ESRRB: variants seen among roughly 807,000 people sequenced by gnomAD.
The protein encoded by ESRRB is estrogen related receptor beta.
ESRRB carries 16 observed loss-of-function variants against 46.0 expected under a neutral mutation model. The observed-to-expected ratio is 0.35, with a 90% CI of 0.24 to 0.53. The LOEUF (loss-of-function observed/expected upper bound fraction) is 0.53, where lower values mean the gene tolerates loss of function less well. ESRRB is among the 20% of genes least tolerant of loss of function. ESRRB has a pLI of 0.93. For synonymous variants in ESRRB, 246 were observed against 259.6 expected, an observed-to-expected ratio of 0.95 and a Z score of 0.50; for missense variants, 488 against 607.4, an observed-to-expected ratio of 0.80 and a Z score of 2.07.
intron 1 of ESRRB, among the ~76,000 whole-genome samples, chr14:76,333,043 T>TTA (rs1237859704): frequency 0.081 from 467 of 5,770 alleles, 146 homozygotes; most frequent in Middle Eastern, 0.33. Flanking sequence ...ATATTATATA[T>TTA]TATATATTAT....
intron 1 of ESRRB, among the ~76,000 whole-genome samples, chr14:76,346,015 CTGTCCA>C (rs1442232394): frequency 6.6e-6 from 1 of 152,120 alleles, no homozygotes; most frequent in Admixed American, 6.5e-5. Context: ...GAGGAAGGAT[CTGTCCA>C]TGCCTCTCTC....
chr14:76,406,527 C>A (rs990576518), intron 1 of ESRRB, among the ~76,000 whole-genome samples: 2 of 152,076 alleles, frequency 1.3e-5, no homozygotes, highest in Non-Finnish European at 2.9e-5. Flanking sequence ...AGGTGGATCA[C>A]GAGGTCAGGA....
intron 1 of ESRRB, among the ~76,000 whole-genome samples, chr14:76,335,751 A>G (rs894526175): frequency 6.6e-6 from 1 of 152,054 alleles, no homozygotes; most frequent in Admixed American, 6.5e-5. Context: ...TTGATTCCTA[A>G]GTTGGACTTT....
upstream of ESRRB, among the ~76,000 whole-genome samples, chr14:76,372,822 A>G (rs972066924): frequency 6.6e-6 from 1 of 152,178 alleles, no homozygotes; most frequent in African/African-American, 2.4e-5. Context: ...ACAGAGCTGG[A>G]CCCTGTCTCA....
At chr14:76,464,040 T>G (rs1422260070) in intron 3 of ESRRB, among the ~76,000 whole-genome samples, 2 of 152,070 alleles carry the variant, frequency 1.3e-5, no homozygotes, top group Non-Finnish European at 2.9e-5. Flanking sequence ...CAGTACCATT[T>G]TGGGGATGGG....
chr14:76,488,327 G>A (rs1188557734), intron 5 of ESRRB, among the ~76,000 whole-genome samples: 1 of 152,102 alleles, frequency 6.6e-6, no homozygotes, highest in Non-Finnish European at 1.5e-5. Context: ...GAGTGATCAG[G>A]GGCTGAGTCC....
chr14:76,382,244 GC>G (rs1377538528), intron 1 of ESRRB, among the ~76,000 whole-genome samples: 1 of 152,220 alleles, frequency 6.6e-6, no homozygotes, highest in African/African-American at 2.4e-5. Flanking sequence ...ACATGTTCCT[GC>G]TGACTGCTAT....
intron 3 of ESRRB, among the ~76,000 whole-genome samples, chr14:76,466,324 T>C (rs1463456600): frequency 6.6e-6 from 1 of 152,098 alleles, no homozygotes; most frequent in East Asian, 1.9e-4. Context: ...TTATGATTTT[T>C]CCTTTCTTAG....
chr14:76,316,479 G>GTCT (rs199655269), intron 1 of ESRRB, among the ~76,000 whole-genome samples: 1 of 76,772 alleles, frequency 1.3e-5, no homozygotes, highest in African/African-American at 3.6e-5. Context: ...CTCCCTTTTT[G>GTCT]CCTCATTATT....
Position 76,499,945 on chromosome 14 carries a change from C to T in ESRRB, c.*1487C>T, listed in dbSNP as rs1595180298. 13 of 1,613,084 alleles carry T rather than the reference C, an allele frequency of 8.1e-6. No homozygotes were observed. In the East Asian group the frequency reaches 2.9e-4, roughly 36 times the overall value. ...GGAAAATGCCCCTTCCAATCAGCTGCCTTCACAAGCAGGGATCAGAGCAAC... is the reference window on the plus strand; with the variant it reads ...GGAAAATGCCCCTTCCAATCAGCTGTCTTCACAAGCAGGGATCAGAGCAAC... On this transcript the variant is annotated 3_prime_UTR_variant, in exon 7 of 7. Transcript: ENST00000644823.
chr14:76,367,479 C>A (rs1391706988), upstream of ESRRB, among the ~76,000 whole-genome samples: 3 of 151,480 alleles, frequency 2.0e-5, no homozygotes, highest in African/African-American at 7.3e-5. Context: ...ATTGTTTGAG[C>A]CTGGGAAGTC....
rs556205183 is a variant in ESRRB, at chr14:76,318,609, C to G, written c.2+7693C>G. On this transcript the variant is annotated intron_variant, in intron 1 of 6. Transcript: ENST00000512784. ...TCCACTTCACACTCAGTTTCCTCAT[C>G]TGTAAAATATGGGTTATAAGAACAC... is the stretch of plus-strand genomic sequence containing the variant. Among the ~76,000 whole-genome samples the G allele has an allele frequency of 3.2e-3, 487 of 152,286 alleles. 4 individuals are homozygous for G. The highest frequency in any genetic ancestry group is 0.011 in the African/African-American group (445 of 41,552).
At chr14:76,455,958 G>T (rs1248781139) in intron 2 of ESRRB, among the ~76,000 whole-genome samples, 1 of 151,384 alleles carries the variant, frequency 6.6e-6, no homozygotes, top group Non-Finnish European at 1.5e-5. Context: ...TAGGAGAATC[G>T]CTTGAACCCG....
chr14:76,399,255 G>A (rs960793887), intron 1 of ESRRB, among the ~76,000 whole-genome samples: 1 of 152,134 alleles, frequency 6.6e-6, no homozygotes, highest in African/African-American at 2.4e-5. Flanking sequence ...CAATCCATCA[G>A]GAAGCTCCCT....
intron 1 of ESRRB, among the ~76,000 whole-genome samples, chr14:76,329,748 G>T (rs1417193425): frequency 2.6e-5 from 4 of 152,054 alleles, no homozygotes; most frequent in Non-Finnish European, 4.4e-5. Context: ...TCCTGCCGTT[G>T]TTCCTGCCAG....
At chr14:76,401,790 C>T (rs982678060) in intron 1 of ESRRB, among the ~76,000 whole-genome samples, 2 of 152,168 alleles carry the variant, frequency 1.3e-5, no homozygotes, top group Non-Finnish European at 2.9e-5. Context: ...CATCTCCTAA[C>T]AATGCATTTC....
chr14:76,428,225 C>G (rs577725779), intron 1 of ESRRB, among the ~76,000 whole-genome samples: 2 of 151,974 alleles, frequency 1.3e-5, no homozygotes, highest in African/African-American at 4.8e-5. Context: ...CTCGAACTCC[C>G]GACCTCAGGT....
intron 1 of ESRRB, among the ~76,000 whole-genome samples, chr14:76,392,234 C>G (rs12588054): frequency 6.6e-6 from 1 of 151,840 alleles, no homozygotes; most frequent in Non-Finnish European, 1.5e-5. Context: ...TGCAGGGTGG[C>G]GTGTGGGTAT....
chr14:76,461,032 C>T (rs1016181002), intron 2 of ESRRB, among the ~76,000 whole-genome samples: 1 of 151,914 alleles, frequency 6.6e-6, no homozygotes, highest in African/African-American at 2.4e-5. Context: ...TTACCTCCCC[C>T]ACCTGCTCTC....
Sources: gnomAD v4.1 joint callset for allele counts (sites outside exome capture counted in the v4.1 genomes callset) on GRCh38, gnomAD v4.1.1 for gene constraint, MANE v1.5 for transcripts, NCBI Gene and HGNC (gene_info 2026-07-23, HGNC 2026-07-21) for gene names.